The following DCC variants were observed in gnomAD, a reference collection of about 807,000 sequenced individuals.
DCC encodes the protein DCC netrin 1 receptor, also known as netrin receptor DCC.
A neutral mutation model predicts 172.5 loss-of-function variants in DCC; 58 were observed. The observed-to-expected ratio is 0.34, with a 90% confidence interval of 0.27 to 0.42. DCC has a LOEUF of 0.42. Among genes scored for constraint, DCC ranks in the 10% least tolerant of loss-of-function variants. DCC has a pLI of 1.00. For synonymous variants in DCC, 709 were observed against 644.5 expected (o/e 1.10, Z -1.52); for missense variants, 1,740 against 1,791.0 (o/e 0.97, Z 0.51).
chr18:52,462,433 G>T (rs528816557), intron 1 of DCC, among the ~76,000 whole-genome samples: 1 of 151,870 alleles, frequency 6.6e-6, no homozygotes, highest in Non-Finnish European at 1.5e-5. Context: ...ATTTCATTCT[G>T]CTCCTGACAC....
chr18:52,406,369 A>G (rs1986651548), intron 1 of DCC, among the ~76,000 whole-genome samples: 1 of 151,600 alleles, frequency 6.6e-6, no homozygotes, highest in Admixed American at 6.6e-5. Flanking sequence ...AGAAACTACC[A>G]TCAGAGTGAA....
chr18:52,779,878 T>C (rs988208232), intron 2 of DCC, among the ~76,000 whole-genome samples: 3 of 152,232 alleles, frequency 2.0e-5, no homozygotes, highest in Admixed American at 6.5e-5. Context: ...TATTTGTGGT[T>C]TTGATTTGCA....
intron 7 of DCC, among the ~76,000 whole-genome samples, chr18:53,122,895 G>A (rs987097447): frequency 3.3e-5 from 5 of 151,930 alleles, no homozygotes; most frequent in Non-Finnish European, 7.4e-5. Context: ...TCTCCCTTTT[G>A]CATGCATATC....
At chr18:52,431,282 T>C (rs1394388446) in intron 1 of DCC, among the ~76,000 whole-genome samples, 2 of 151,622 alleles carry the variant, frequency 1.3e-5, no homozygotes, top group African/African-American at 2.4e-5. Flanking sequence ...GAGGTAAAGA[T>C]TGATGAAAAA....
At chr18:52,881,507 C>A (rs115566952) in intron 2 of DCC, among the ~76,000 whole-genome samples, 452 of 152,170 alleles carry the variant, frequency 3.0e-3, no homozygotes, top group African/African-American at 9.9e-3. Flanking sequence ...GTCTTTAATC[C>A]ATTTTGATTT....
intron 9 of DCC, among the ~76,000 whole-genome samples, chr18:53,192,444 A>C (rs1226903670): frequency 6.6e-6 from 1 of 152,132 alleles, no homozygotes; most frequent in African/African-American, 2.4e-5. Flanking sequence ...TCTGTTAATT[A>C]GGGAAATTAT....
rs1418672670 is a variant in DCC at position 53,427,976 on chromosome 18, T to TATA, written c.3164-7164_3164-7162dup. Among the ~76,000 whole-genome samples the TATA allele has an allele frequency of 5.9e-5, 2 of 33,832 alleles. 1 individual carries two copies. The highest frequency in any genetic ancestry group is 1.7e-4 in the Non-Finnish European group (2 of 11,640). 22.2% of individuals were successfully genotyped at this position (33,832 alleles called of 152,430 possible). A position where few individuals can be genotyped will look rare whatever the true frequency, so the allele number is the denominator to read the frequency against. On this transcript the variant is annotated intron_variant, in intron 21 of 28. Coordinates refer to ENST00000442544, the MANE Select transcript of DCC (RefSeq NM_005215.4). ...TATAATATAATAATATAATATATAATATAATATAATATATTATAATAATAT... is the reference window on the plus strand; with the variant it reads ...TATAATATAATAATATAATATATAATATAATAATATAATATATTATAATAATAT...
chr18:53,333,041 G>A (rs987417647), intron 14 of DCC, among the ~76,000 whole-genome samples: 2 of 148,990 alleles, frequency 1.3e-5, no homozygotes. Flanking sequence ...CTGCGCTCCA[G>A]CCTGGGTGAC....
rs543482002 is a variant in DCC, at chr18:52,382,162, T to C, written c.91+41284T>C. Among the ~76,000 whole-genome samples the C allele has an allele frequency of 1.1e-3, 166 of 152,236 alleles. 1 individual carries two copies. Among genetic ancestry groups the C allele is most frequent in the African/African-American group, 3.9e-3 (160 of 41,558 alleles). ...TTTCATATGTCTTAATATTCAGAGA[T>C]GTAAAAATGAATAGGAAATATCTCT... On this transcript the variant is annotated intron_variant, in intron 1 of 28. Transcript: ENST00000442544.
intron 5 of DCC, among the ~76,000 whole-genome samples, chr18:53,000,585 CTTT>C (rs71175543): frequency 0.19 from 18,899 of 99,014 alleles, 1,888 homozygotes; most frequent in African/African-American, 0.3. Context: ...AGCTTACATT[CTTT>C]TTTTTTTTTT....
intron 15 of DCC, among the ~76,000 whole-genome samples, chr18:53,366,222 A>T (rs146175014): frequency 5.9e-5 from 9 of 152,048 alleles, no homozygotes; most frequent in African/African-American, 1.9e-4. Flanking sequence ...ATGACCAGCT[A>T]ATTTTTGTGT....
chr18:53,255,010 C>T (rs1432915292), intron 12 of DCC, among the ~76,000 whole-genome samples: 1 of 151,966 alleles, frequency 6.6e-6, no homozygotes, highest in Non-Finnish European at 1.5e-5. Context: ...CAGGTAACTG[C>T]AGGTTGACCC....
At chr18:52,688,617 A>T (rs1039242693) in intron 1 of DCC, among the ~76,000 whole-genome samples, 8 of 152,064 alleles carry the variant, frequency 5.3e-5, no homozygotes, top group African/African-American at 1.9e-4. Flanking sequence ...TTAATGCTAA[A>T]TGAGTAGGTT....
At chr18:53,199,131 A>T (rs145450377) in intron 9 of DCC, among the ~76,000 whole-genome samples, 7 of 148,724 alleles carry the variant, frequency 4.7e-5, no homozygotes, top group Non-Finnish European at 8.9e-5. Flanking sequence ...GCTGGAGTGC[A>T]GCGGCACAAT....
intron 1 of DCC, among the ~76,000 whole-genome samples, chr18:52,501,530 G>T (rs1034471594): frequency 6.6e-6 from 1 of 152,136 alleles, no homozygotes; most frequent in South Asian, 2.1e-4. Context: ...ATTCAGGGAA[G>T]GGGGGAGAAG....
At chr18:52,579,863 T>C (rs1246076602) in intron 1 of DCC, among the ~76,000 whole-genome samples, 2 of 152,230 alleles carry the variant, frequency 1.3e-5, no homozygotes, top group African/African-American at 2.4e-5. Context: ...AGAGAAATTA[T>C]GTCAAAATCA....
intron 27 of DCC, among the ~76,000 whole-genome samples, chr18:53,513,654 G>A (rs980290618): frequency 4.0e-5 from 6 of 151,702 alleles, no homozygotes; most frequent in African/African-American, 1.5e-4. Context: ...AAAAGGCAGG[G>A]GTTGCAATCC....
chr18:52,808,200 A>C (rs897421359), intron 2 of DCC, among the ~76,000 whole-genome samples: 2 of 152,176 alleles, frequency 1.3e-5, no homozygotes, highest in African/African-American at 4.8e-5. Flanking sequence ...GGCACTATCT[A>C]CCTGAATCTA....
chr18:52,556,252 T>G (rs1161120007), intron 1 of DCC, among the ~76,000 whole-genome samples: 3 of 152,226 alleles, frequency 2.0e-5, no homozygotes, highest in Non-Finnish European at 4.4e-5. Flanking sequence ...AGTCCAAAGT[T>G]GTAACACAAA....
Sources: allele counts gnomAD v4.1 joint callset (sites outside exome capture counted in the v4.1 genomes callset), GRCh38; gene constraint gnomAD v4.1.1; transcripts MANE v1.5; gene names NCBI Gene and HGNC (gene_info 2026-07-23, HGNC 2026-07-21).